GPC6: variants seen among roughly 807,000 people sequenced by gnomAD.
GPC6 encodes the protein glypican 6.
GPC6 carries 14 observed loss-of-function variants against 55.2 expected under a neutral mutation model. The observed-to-expected ratio is 0.25, with a 90% CI of 0.17 to 0.40. The LOEUF is 0.40. GPC6 is among the 10% of genes least tolerant of loss of function. GPC6 has a pLI of 1.00. For missense variants in GPC6, 641 were observed against 708.5 expected (o/e 0.90, Z 1.08); for synonymous variants, 278 against 259.6 (o/e 1.07, Z -0.68).
At chr13:93,866,020 C>T (rs751644577) in intron 3 of GPC6, among the ~76,000 whole-genome samples, 15 of 151,562 alleles carry the variant, frequency 9.9e-5, no homozygotes, top group African/African-American at 3.4e-4. Context: ...TTAAGGGTAC[C>T]GATGAGCAGA....
chr13:93,313,326 G>A (rs9561305), intron 1 of GPC6, among the ~76,000 whole-genome samples: 36,154 of 151,876 alleles, frequency 0.24, 4,432 homozygotes, highest in East Asian at 0.3. Flanking sequence ...TTCCAATCTA[G>A]TATTTGAATG....
intron 7 of GPC6, among the ~76,000 whole-genome samples, chr13:94,392,171 C>G (rs971360600): frequency 3.9e-5 from 6 of 152,104 alleles, no homozygotes; most frequent in Non-Finnish European, 7.3e-5. Context: ...CTTCTCTTCA[C>G]AGTACCATTA....
In GPC6 at chr13:94,307,502, G is replaced by A. The variant is rs148700640; in HGVS notation, c.1152+1379G>A. Among the ~76,000 whole-genome samples the A allele has an allele frequency of 4.9e-3, 743 of 152,110 alleles. 2 individuals carry two copies. The highest frequency in any genetic ancestry group is 7.4e-3 in the Non-Finnish European group (500 of 67,966). ...CAGCTTTTTATTTTTTTGTAGAGGC[G>A]TGGTTTTGCCATGTTGTCCAGGCTG... is the stretch of plus-strand genomic sequence containing the variant. On this transcript the variant is annotated intron_variant, in intron 6 of 8. Transcript: ENST00000377047.
At chr13:93,997,829 G>C (rs1222651979) in intron 3 of GPC6, among the ~76,000 whole-genome samples, 1 of 152,138 alleles carries the variant, frequency 6.6e-6, no homozygotes, top group African/African-American at 2.4e-5. Flanking sequence ...AGACTGCAAG[G>C]GTCCTGCTGC....
intron 1 of GPC6, among the ~76,000 whole-genome samples, chr13:93,398,374 T>G (rs554164195): frequency 1.3e-5 from 2 of 152,292 alleles, no homozygotes; most frequent in South Asian, 4.2e-4. Flanking sequence ...TAATGGTGAT[T>G]TGAGAAGTGG....
intron 4 of GPC6, among the ~76,000 whole-genome samples, chr13:94,129,661 A>T (rs116531718): frequency 0.011 from 1,671 of 151,978 alleles, 40 homozygotes; most frequent in African/African-American, 0.039. Context: ...CATCGTTCTA[A>T]CTTCTGTTTG....
the GPC6 span, among the ~76,000 whole-genome samples, chr13:93,219,853 C>G: frequency 1.1e-5 from 1 of 94,882 alleles, no homozygotes; most frequent in Non-Finnish European, 2.2e-5. Context: ...ATTTGTTTAT[C>G]TAATTAATTT....
At chr13:93,859,785 A>C (rs1051527388) in intron 3 of GPC6, among the ~76,000 whole-genome samples, 4 of 151,614 alleles carry the variant, frequency 2.6e-5, no homozygotes, top group Non-Finnish European at 5.9e-5. Flanking sequence ...CTCATGACTG[A>C]CTGACTCATG....
intron 6 of GPC6, among the ~76,000 whole-genome samples, chr13:94,313,845 T>A (rs185872161): frequency 1.1e-4 from 17 of 152,334 alleles, no homozygotes; most frequent in Admixed American, 1.1e-3. Context: ...ATGTTACACT[T>A]TCAGAGCCAA....
chr13:93,795,976 G>T (rs960533368), intron 2 of GPC6, among the ~76,000 whole-genome samples: 8 of 151,912 alleles, frequency 5.3e-5, no homozygotes, highest in Admixed American at 4.6e-4. Context: ...TTGAGACCAG[G>T]AGTTCAAGAC....
At chr13:93,393,976 T>A (rs1023008680) in intron 1 of GPC6, among the ~76,000 whole-genome samples, 1 of 152,172 alleles carries the variant, frequency 6.6e-6, no homozygotes, top group Non-Finnish European at 1.5e-5. Flanking sequence ...AAAAAAGAGT[T>A]GTCTCTCTTT....
At chr13:93,315,643 C>A (rs912411812) in intron 1 of GPC6, among the ~76,000 whole-genome samples, 1 of 151,690 alleles carries the variant, frequency 6.6e-6, no homozygotes, top group African/African-American at 2.4e-5. Flanking sequence ...TTCACTAAGA[C>A]TAAAAGTGTA....
At chr13:94,252,824 T>A (rs1326658976) in intron 4 of GPC6, among the ~76,000 whole-genome samples, 2 of 151,808 alleles carry the variant, frequency 1.3e-5, no homozygotes, top group South Asian at 2.1e-4. Context: ...AAAATGCAAC[T>A]AAAATGGATA....
At chr13:93,368,337 TTTCCTTCCTTCCTTCCTTCCTTCC>T (rs768601581) in intron 1 of GPC6, among the ~76,000 whole-genome samples, 4 of 92,534 alleles carry the variant, frequency 4.3e-5, no homozygotes, top group Admixed American at 3.6e-4. Context: ...CCCTCCCTGC[TTTCCTTCCTTCCTTCCTTCCTTCC>T]TTCCTTCCTT....
chr13:93,345,217 G>A (rs1027719991), intron 1 of GPC6, among the ~76,000 whole-genome samples: 2 of 151,914 alleles, frequency 1.3e-5, no homozygotes, highest in African/African-American at 4.8e-5. Flanking sequence ...TGTGACTTTA[G>A]AAAAGCCCTT....
intron 2 of GPC6, among the ~76,000 whole-genome samples, chr13:93,737,639 C>T (rs1222458124): frequency 6.6e-6 from 1 of 152,020 alleles, no homozygotes; most frequent in Admixed American, 6.5e-5. Context: ...GAGTGAATAA[C>T]AATTTCTGTG....
chr13:93,624,138 A>G (rs962782696), intron 2 of GPC6, among the ~76,000 whole-genome samples: 6 of 138,466 alleles, frequency 4.3e-5, no homozygotes, highest in Non-Finnish European at 6.2e-5. Context: ...TTTCCTCTTC[A>G]CTGTCTTCCA....
intron 2 of GPC6, among the ~76,000 whole-genome samples, chr13:93,584,723 C>G (rs1877112700): frequency 8.0e-6 from 1 of 124,838 alleles, no homozygotes; most frequent in African/African-American, 3.3e-5. Context: ...CAGGGTCTCT[C>G]TGTTCCCCAG....
chr13:93,981,582 A>C (rs754854884), intron 3 of GPC6, among the ~76,000 whole-genome samples: 1 of 152,226 alleles, frequency 6.6e-6, no homozygotes, highest in African/African-American at 2.4e-5. Flanking sequence ...TCTGGTGCTG[A>C]AACATGAGAA....
Sources: allele counts gnomAD v4.1 joint callset (sites outside exome capture counted in the v4.1 genomes callset), GRCh38; gene constraint gnomAD v4.1.1; transcripts MANE v1.5; gene names NCBI Gene and HGNC (gene_info 2026-07-23, HGNC 2026-07-21).